ABR: variants seen among roughly 807,000 people sequenced by gnomAD.
The protein encoded by ABR is active breakpoint cluster region-related protein.
ABR carries 35 observed loss-of-function variants against 107.2 expected under a neutral mutation model. That is an observed-to-expected ratio of 0.33 (90% confidence interval 0.25 to 0.43). ABR has a LOEUF of 0.43. ABR is among the 20% of genes least tolerant of loss of function. ABR has a pLI of 1.00. For synonymous variants in ABR, 498 were observed against 462.0 expected (o/e 1.08, Z -1.00); for missense variants, 815 against 1,115.2 (o/e 0.73, Z 3.83).
rs142879321 is a variant in ABR at position 1,147,688 on chromosome 17, C to T, written c.62-22321G>A. ...CATTAATTTGGTTCTACGGCATGACCGGCTACCCTAACACCCTGCTCCCAC... is the reference window on the plus strand; with the variant it reads ...CATTAATTTGGTTCTACGGCATGACTGGCTACCCTAACACCCTGCTCCCAC... On this transcript the variant is annotated intron_variant, in intron 1 of 22. Coordinates refer to ENST00000302538, the MANE Select transcript of ABR (RefSeq NM_021962.5). 6.9e-3 allele frequency among the ~76,000 whole-genome samples: 1,057 copies of T among 152,126 alleles called. 32 individuals carry two copies. Among genetic ancestry groups the T allele is most frequent in the Admixed American group, 0.056 (855 of 15,264 alleles).
rs377260286 is a variant in ABR at position 1,037,492 on chromosome 17, C to T, written c.1791+12558G>A. Among the ~76,000 whole-genome samples, 14 of 152,346 alleles carry T rather than the reference C, an allele frequency of 9.2e-5. No homozygotes were observed. Among genetic ancestry groups the T allele is most frequent in the African/African-American group, 1.9e-4 (8 of 41,584 alleles). ...ACAGCCCGTCCCTGGCAAACCCTAG[C>T]GATTCTCACAGCACATTTGGTCATG... On this transcript the variant is annotated intron_variant, in intron 16 of 22. Coordinates refer to ENST00000302538, the MANE Select transcript of ABR (RefSeq NM_021962.5). The surrounding 1 kb of genome is among the most constrained non-coding windows in gnomAD (Gnocchi z 4.6).
intron 12 of ABR, among the ~76,000 whole-genome samples, chr17:1,057,622 G>A (rs959242774): frequency 1.4e-4 from 20 of 146,908 alleles, no homozygotes; most frequent in Admixed American, 5.5e-4. Flanking sequence ...GATTACAGGC[G>A]TAAGCCACCG....
intron 1 of ABR, among the ~76,000 whole-genome samples, chr17:1,166,565 G>T (rs983786157): frequency 6.6e-6 from 1 of 152,226 alleles, no homozygotes; most frequent in East Asian, 1.9e-4. Context: ...CTCTGAGAAG[G>T]CTCCCACGTT....
chr17:1,082,583 C>T (rs968331823), intron 5 of ABR, among the ~76,000 whole-genome samples: 1 of 152,208 alleles, frequency 6.6e-6, no homozygotes, highest in Non-Finnish European at 1.5e-5. Flanking sequence ...TTCTAAGGCT[C>T]CTTCTCCACA....
rs1384256169 is a variant in ABR at position 1,004,257 on chromosome 17, G to T, written c.*1823C>A. 1 of 152,350 alleles carries T rather than the reference G, an allele frequency of 6.6e-6. No homozygotes were observed. The highest frequency in any genetic ancestry group is 2.4e-5 in the African/African-American group (1 of 41,450). The allele number at this position is 152,350 out of a possible 1,614,324, so 9.4% of individuals were successfully genotyped here. On this transcript the variant is annotated 3_prime_UTR_variant, in exon 23 of 23. Coordinates refer to ENST00000302538, the MANE Select transcript of ABR (RefSeq NM_021962.5). ...CTTTCCCAGGGAGCAAGGGCTCCTT[G>T]CTAAGCTGCTCACAGGCAGCCGATG...
rs78623530 is a variant in ABR, at chr17:1,016,142, C to T, written c.1792-2978G>A. ...TTCTTTAACCTCTCTCCATGCTATCCGCCTTAAATCGCATATATACCTATT... is the reference window on the plus strand; with the variant it reads ...TTCTTTAACCTCTCTCCATGCTATCTGCCTTAAATCGCATATATACCTATT... On this transcript the variant is annotated intron_variant, in intron 16 of 22. Coordinates refer to ENST00000302538, the MANE Select transcript of ABR (RefSeq NM_021962.5). Among the ~76,000 whole-genome samples, 770 of 152,258 alleles carry T rather than the reference C, an allele frequency of 5.1e-3. 3 individuals carry two copies. The highest frequency in any genetic ancestry group is 0.016 in the African/African-American group (671 of 41,552).
intron 5 of ABR, among the ~76,000 whole-genome samples, chr17:1,081,561 T>G (rs1341243129): frequency 6.6e-6 from 1 of 152,112 alleles, no homozygotes; most frequent in African/African-American, 2.4e-5. Flanking sequence ...GTTTTCCTAT[T>G]CCTGCAAGGG....
intron 1 of ABR, among the ~76,000 whole-genome samples, chr17:1,211,495 C>T (rs2042901823): frequency 6.6e-6 from 1 of 152,058 alleles, no homozygotes; most frequent in South Asian, 2.1e-4. Context: ...GAAAACAAAG[C>T]GTGAATCATA....
intron 1 of ABR, among the ~76,000 whole-genome samples, chr17:1,129,430 G>A (rs1020944540): frequency 5.3e-5 from 8 of 152,162 alleles, no homozygotes; most frequent in African/African-American, 9.7e-5. Flanking sequence ...TACTTAGGAG[G>A]CTGAGGCAGA....
upstream of ABR, among the ~76,000 whole-genome samples, chr17:1,190,671 G>C (rs1412560696): frequency 6.6e-6 from 1 of 152,066 alleles, no homozygotes; most frequent in Non-Finnish European, 1.5e-5. Flanking sequence ...CTTATGTTTC[G>C]GGGAGGGAGG....
At chr17:1,208,654 C>A (rs1021306859) in intron 1 of ABR, among the ~76,000 whole-genome samples, 1 of 152,156 alleles carries the variant, frequency 6.6e-6, no homozygotes, top group Non-Finnish European at 1.5e-5. Flanking sequence ...TTTGGGAGGC[C>A]GAGGCGGGCG....
At chr17:1,090,009 G>A (rs2151290923) in intron 4 of ABR, among the ~76,000 whole-genome samples, 1 of 152,294 alleles carries the variant, frequency 6.6e-6, no homozygotes, top group African/African-American at 2.4e-5. Context: ...GTGGTTTGGG[G>A]GAGTCAGGCA....
intron 12 of ABR, among the ~76,000 whole-genome samples, 181 bp from the exon 13 acceptor site, chr17:1,057,283 A>G (rs2033391421): frequency 6.9e-6 from 1 of 143,900 alleles, no homozygotes; most frequent in Non-Finnish European, 1.5e-5. Context: ...GAGGGGTCAG[A>G]GTAGGAGAAT....
At chr17:1,052,013 G>A (rs2032597312) in intron 14 of ABR, among the ~76,000 whole-genome samples, 1 of 151,928 alleles carries the variant, frequency 6.6e-6, no homozygotes, top group African/African-American at 2.4e-5. Flanking sequence ...TGTGGAAGTT[G>A]CAGTGAGCTG....
At chr17:1,032,324 G>A (rs75317878) in intron 16 of ABR, among the ~76,000 whole-genome samples, 4,363 of 152,220 alleles carry the variant, frequency 0.029, 218 homozygotes, top group African/African-American at 0.1. Context: ...CTTGTGGACC[G>A]GCACTCAGAA....
At chr17:1,121,977 G>A (rs535583602) in intron 2 of ABR, among the ~76,000 whole-genome samples, 5 of 152,228 alleles carry the variant, frequency 3.3e-5, no homozygotes, top group Admixed American at 1.3e-4. Context: ...ATCTCGGCTC[G>A]CTGCAACTTC....
At position 1,078,617 on chromosome 17, in the gene ABR, C is replaced by T. The variant is rs1426836307; in HGVS notation, c.700+713G>A. Among the ~76,000 whole-genome samples, 2 of 152,144 alleles carry T rather than the reference C, an allele frequency of 1.3e-5. No homozygotes were observed. The highest frequency in any genetic ancestry group is 2.4e-5 in the African/African-American group (1 of 41,444). ...CCAGCCTGGTCCTTCCATTTGCAAG[C>T]GGCCCTGCTCTGAGCAGCCCCCAGG... On this transcript the variant is annotated intron_variant, in intron 6 of 22. Transcript: ENST00000302538. The surrounding 1 kb of genome is among the most constrained non-coding windows in gnomAD (Gnocchi z 7.5).
intron 16 of ABR, among the ~76,000 whole-genome samples, chr17:1,015,892 G>A (rs1330028818): frequency 1.3e-5 from 2 of 152,206 alleles, no homozygotes; most frequent in Non-Finnish European, 2.9e-5. Context: ...AGTGAAACGA[G>A]GCTCAGCATC....
chr17:1,138,479 G>A (rs1453893835), intron 1 of ABR, among the ~76,000 whole-genome samples: 1 of 151,814 alleles, frequency 6.6e-6, no homozygotes, highest in Admixed American at 6.6e-5. Flanking sequence ...TTTGATTTTT[G>A]TTTTTTGTTT....
Sources: allele counts gnomAD v4.1 joint callset (sites outside exome capture counted in the v4.1 genomes callset), GRCh38; gene constraint gnomAD v4.1.1; non-coding constraint Gnocchi (gnomAD v3.1); transcripts MANE v1.5; gene names NCBI Gene and HGNC (gene_info 2026-07-23, HGNC 2026-07-21).